Variants in FSTL5 observed in about 807,000 individuals in gnomAD.
The protein encoded by FSTL5 is follistatin-related protein 5.
FSTL5 carries 62 observed loss-of-function variants against 89.1 expected under a neutral mutation model. The observed-to-expected ratio is 0.70, with a 90% CI of 0.57 to 0.86. FSTL5 has a LOEUF of 0.86. Among genes scored for constraint, FSTL5 ranks in the 40% least tolerant of loss-of-function variants. FSTL5 has a pLI of 0.00. For synonymous variants in FSTL5, 383 were observed against 346.2 expected (o/e 1.11, Z -1.18); for missense variants, 1,057 against 1,001.6 (o/e 1.06, Z -0.75).
intron 6 of FSTL5, among the ~76,000 whole-genome samples, chr4:161,728,986 C>T (rs893112853): frequency 2.0e-4 from 30 of 152,056 alleles, no homozygotes; most frequent in African/African-American, 7.2e-4. Context: ...CCTCAAAAGC[C>T]CTGGAAATCC....
intron 6 of FSTL5, among the ~76,000 whole-genome samples, chr4:161,666,088 A>C (rs1302766956): frequency 2.0e-5 from 3 of 152,092 alleles, no homozygotes; most frequent in Non-Finnish European, 2.9e-5. Flanking sequence ...TCTATTCCTC[A>C]AAAGATATTG....
chr4:162,024,421 A>G (rs1350555382), intron 3 of FSTL5, among the ~76,000 whole-genome samples: 1 of 152,126 alleles, frequency 6.6e-6, no homozygotes, highest in Admixed American at 6.6e-5. Flanking sequence ...CACTGTTTCT[A>G]ATATTTAAAT....
intron 6 of FSTL5, among the ~76,000 whole-genome samples, chr4:161,727,986 C>T (rs1318824346): frequency 6.6e-6 from 1 of 151,656 alleles, no homozygotes; most frequent in Non-Finnish European, 1.5e-5. Flanking sequence ...CTGTCTCAAA[C>T]AAACAAACAA....
intron 3 of FSTL5, among the ~76,000 whole-genome samples, chr4:161,954,366 C>T (rs781707880): frequency 4.6e-5 from 7 of 151,610 alleles, no homozygotes; most frequent in Non-Finnish European, 8.9e-5. Flanking sequence ...TTCAAAATTT[C>T]CACAAAAAAT....
intron 15 of FSTL5, among the ~76,000 whole-genome samples, chr4:161,425,193 T>C (rs895752841): frequency 1.3e-5 from 2 of 152,206 alleles, no homozygotes; most frequent in Non-Finnish European, 2.9e-5. Context: ...ATTTTACGAA[T>C]TTTTTTAAAA....
intron 8 of FSTL5, among the ~76,000 whole-genome samples, chr4:161,552,952 T>A (rs1732266256): frequency 6.6e-6 from 1 of 151,644 alleles, no homozygotes; most frequent in Non-Finnish European, 1.5e-5. Flanking sequence ...AAGTGCACTC[T>A]ATAAACTTGT....
chr4:161,931,583 T>TCTACATAAATG (rs1320791816), intron 3 of FSTL5, among the ~76,000 whole-genome samples: 1 of 151,938 alleles, frequency 6.6e-6, no homozygotes, highest in African/African-American at 2.4e-5. Context: ...TTTTATGTGG[T>TCTACATAAATG]CTACATGTAT....
At chr4:161,620,032 C>T (rs1735060951) in intron 7 of FSTL5, among the ~76,000 whole-genome samples, 1 of 151,874 alleles carries the variant, frequency 6.6e-6, no homozygotes, top group African/African-American at 2.4e-5. Context: ...AGCTCATGTC[C>T]TTTGTAGGGA....
intron 3 of FSTL5, among the ~76,000 whole-genome samples, chr4:161,961,884 T>C (rs184548512): frequency 7.9e-5 from 12 of 151,704 alleles, no homozygotes; most frequent in African/African-American, 2.9e-4. Flanking sequence ...TAACAAACAA[T>C]TAGAAAGAAG....
At chr4:161,731,559 A>G (rs1179896892) in intron 6 of FSTL5, among the ~76,000 whole-genome samples, 2 of 151,940 alleles carry the variant, frequency 1.3e-5, no homozygotes, top group Non-Finnish European at 2.9e-5. Context: ...AAGTTTCCTG[A>G]GGCCTCCTAG....
At chr4:161,577,765 C>T (rs998339183) in intron 8 of FSTL5, among the ~76,000 whole-genome samples, 4 of 152,100 alleles carry the variant, frequency 2.6e-5, no homozygotes, top group Non-Finnish European at 4.4e-5. Flanking sequence ...TTTATGACTA[C>T]GGAAACCACT....
At position 161,683,024 on chromosome 4, in the gene FSTL5, C is replaced by T. The variant is rs138207883; in HGVS notation, c.728-26530G>A. Reference sequence around the variant, plus strand: ...CCTCCCAATGTGCTGGGATTACAGGCGTGAGCCACCGTGCCCGGCCAACTT... The same window carrying T: ...CCTCCCAATGTGCTGGGATTACAGGTGTGAGCCACCGTGCCCGGCCAACTT... On this transcript the variant is annotated intron_variant, in intron 6 of 15. Transcript: ENST00000306100. 6.0e-3 allele frequency among the ~76,000 whole-genome samples: 907 copies of T among 152,154 alleles called. 11 individuals carry two copies. The highest frequency in any genetic ancestry group is 0.047 in the South Asian group (226 of 4,820).
intron 3 of FSTL5, among the ~76,000 whole-genome samples, chr4:162,024,989 C>A (rs187559736): frequency 6.6e-6 from 1 of 151,872 alleles, no homozygotes; most frequent in South Asian, 2.1e-4. Context: ...ACGTCAAATT[C>A]GTACTCTGAG....
chr4:161,887,408 TATCTATCTATCTATCTATC>T (rs200852490), intron 4 of FSTL5, among the ~76,000 whole-genome samples: 477 of 100,782 alleles, frequency 4.7e-3, no homozygotes, highest in South Asian at 0.012. Context: ...TCTATCTATC[TATCTATCTATCTATCTATC>T]ATCTATCTAC....
intron 13 of FSTL5, among the ~76,000 whole-genome samples, chr4:161,476,787 C>T (rs979703293): frequency 6.6e-6 from 1 of 152,160 alleles, no homozygotes. Flanking sequence ...GAGGAGCTTG[C>T]AACAATGAGC....
Position 161,501,767 on chromosome 4 carries a change from A to T in FSTL5, c.1340-1633T>A, listed in dbSNP as rs181497288. On this transcript the variant is annotated intron_variant, in intron 11 of 15. Transcript: ENST00000306100. Reference sequence around the variant, plus strand: ...TAAAATTTAGTAGTTGTCAGCTATTATTTATAATCATAGTTGTGTTTAAAG... The same window carrying T: ...TAAAATTTAGTAGTTGTCAGCTATTTTTTATAATCATAGTTGTGTTTAAAG... Among the ~76,000 whole-genome samples the T allele has an allele frequency of 2.6e-4, 39 of 152,102 alleles. 3 individuals carry two copies. In the East Asian group the frequency reaches 7.3e-3, roughly 29 times the overall value.
intron 6 of FSTL5, among the ~76,000 whole-genome samples, chr4:161,721,331 A>G (rs2126751588): frequency 6.6e-6 from 1 of 150,652 alleles, no homozygotes; most frequent in East Asian, 2.0e-4. Flanking sequence ...GGTAGATCTT[A>G]TGTTAACTGT....
At chr4:161,661,614 T>G (rs942231095) in intron 6 of FSTL5, among the ~76,000 whole-genome samples, 2 of 152,146 alleles carry the variant, frequency 1.3e-5, no homozygotes, top group Non-Finnish European at 2.9e-5. Flanking sequence ...TGTCAGGAAA[T>G]AGGTGATTTC....
At chr4:161,543,888 C>A (rs1731916607) in intron 8 of FSTL5, among the ~76,000 whole-genome samples, 1 of 151,774 alleles carries the variant, frequency 6.6e-6, no homozygotes, top group Admixed American at 6.6e-5. Context: ...CAAGCAACAA[C>A]AAAAACAAAA....
Sources: allele counts gnomAD v4.1 joint callset (sites outside exome capture counted in the v4.1 genomes callset), GRCh38; gene constraint gnomAD v4.1.1; transcripts MANE v1.5; gene names NCBI Gene and HGNC (gene_info 2026-07-23, HGNC 2026-07-21).